GALK2: variants seen among roughly 807,000 people sequenced by gnomAD.
The protein encoded by GALK2 is galactokinase 2, also known as N-acetylgalactosamine kinase.
GALK2 carries 36 observed loss-of-function variants against 52.4 expected under a neutral mutation model. The ratio of observed to expected loss-of-function variants is 0.69; its 90% confidence interval spans 0.53 to 0.91. The LOEUF is 0.91. Among genes scored for constraint, GALK2 ranks in the 40% least tolerant of loss-of-function variants. The pLI, the probability that GALK2 is intolerant of heterozygous loss-of-function variation, is 0.00. For synonymous variants in GALK2, 176 were observed against 199.1 expected (o/e 0.88, Z 0.98); for missense variants, 579 against 559.1 (o/e 1.04, Z -0.36).
chr15:49,193,062 A>G (rs1055842406), intron 1 of GALK2, among the ~76,000 whole-genome samples: 4 of 149,018 alleles, frequency 2.7e-5, no homozygotes, highest in Admixed American at 6.7e-5. Flanking sequence ...CAGTGGTACA[A>G]TCTTGGCTCA....
At chr15:49,243,311 T>C (rs1182553716) in intron 5 of GALK2, among the ~76,000 whole-genome samples, 1 of 152,122 alleles carries the variant, frequency 6.6e-6, no homozygotes, top group Non-Finnish European at 1.5e-5. Flanking sequence ...ACTGGGAGAT[T>C]AGAGGACATT....
chr15:49,299,933 T>C (rs2034960045), intron 8 of GALK2, among the ~76,000 whole-genome samples: 1 of 151,876 alleles, frequency 6.6e-6, no homozygotes, highest in African/African-American at 2.4e-5. Context: ...TGTTGTTGGG[T>C]GGAGTATTCT....
At chr15:49,246,371 G>T (rs1278516178) in intron 5 of GALK2, among the ~76,000 whole-genome samples, 1 of 152,176 alleles carries the variant, frequency 6.6e-6, no homozygotes, top group African/African-American at 2.4e-5. Flanking sequence ...TCCTCCCTCT[G>T]CTGGTGTGGG....
intron 8 of GALK2, among the ~76,000 whole-genome samples, chr15:49,293,710 T>C (rs1014518338): frequency 6.6e-6 from 1 of 152,182 alleles, no homozygotes; most frequent in Non-Finnish European, 1.5e-5. Context: ...TATAATGTGC[T>C]AAGAATAATG....
At chr15:49,170,839 T>C (rs1334398417) in intron 1 of GALK2, among the ~76,000 whole-genome samples, 1 of 152,094 alleles carries the variant, frequency 6.6e-6, no homozygotes, top group Non-Finnish European at 1.5e-5. Flanking sequence ...AACTGTCACT[T>C]AGGGAATTAA....
intron 7 of GALK2, among the ~76,000 whole-genome samples, chr15:49,290,891 G>A (rs1161488549): frequency 6.6e-6 from 1 of 152,170 alleles, no homozygotes; most frequent in African/African-American, 2.4e-5. Context: ...CAGCAAGAAA[G>A]AGTTATAAGA....
intron 3 of GALK2, among the ~76,000 whole-genome samples, chr15:49,351,442 T>A (rs1436738326): frequency 6.6e-6 from 1 of 152,194 alleles, no homozygotes; most frequent in Non-Finnish European, 1.5e-5. Flanking sequence ...CAATGTTGAT[T>A]TTTTTCTAAA....
At chr15:49,301,978 T>C (rs2141871153) in intron 8 of GALK2, among the ~76,000 whole-genome samples, 1 of 152,312 alleles carries the variant, frequency 6.6e-6, no homozygotes, top group East Asian at 1.9e-4. Flanking sequence ...CACGTGACCA[T>C]TTACACACAC....
At chr15:49,272,938 G>GGAGGGACTGTTT (rs2030957245) in intron 5 of GALK2, among the ~76,000 whole-genome samples, 1 of 152,120 alleles carries the variant, frequency 6.6e-6, no homozygotes, top group Non-Finnish European at 1.5e-5. Flanking sequence ...TTCTCTTGTC[G>GGAGGGACTGTTT]ACAAGTCTGG....
chr15:49,192,446 C>T (rs1007963450), intron 1 of GALK2, among the ~76,000 whole-genome samples: 24 of 131,176 alleles, frequency 1.8e-4, no homozygotes, highest in Non-Finnish European at 2.7e-4. Context: ...CAGTATTTTG[C>T]GATTATAAAC....
chr15:49,252,213 G>GCGAGATCGCACCATTGCACTC (rs1566979787), intron 5 of GALK2, among the ~76,000 whole-genome samples: 3 of 152,146 alleles, frequency 2.0e-5, no homozygotes, highest in Non-Finnish European at 1.5e-5. Context: ...TTGCAGTGAG[G>GCGAGATCGCACCATTGCACTC]CGAGATCGCA....
At chr15:49,194,815 G>A (rs1383972414) in intron 1 of GALK2, among the ~76,000 whole-genome samples, 2 of 151,500 alleles carry the variant, frequency 1.3e-5, no homozygotes, top group African/African-American at 4.9e-5. Flanking sequence ...GGCTGGTCTT[G>A]AACTTCCTCC....
intron 3 of GALK2, chr15:49,365,522 T>C: frequency 1.2e-6 from 1 of 849,976 alleles, no homozygotes; most frequent in Non-Finnish European, 2.1e-6. Flanking sequence ...TTTGGTACTC[T>C]GATGACTACT....
At chr15:49,284,360 T>C (rs915989616) in intron 7 of GALK2, among the ~76,000 whole-genome samples, 1 of 152,188 alleles carries the variant, frequency 6.6e-6, no homozygotes, top group African/African-American at 2.4e-5. Context: ...AGTTAAGAGT[T>C]CAAGTTAAGG....
Position 49,337,592 on chromosome 15 carries a change from G to C in GALK2, c.426+17787G>C, listed in dbSNP as rs185834866. 3.5e-3 allele frequency among the ~76,000 whole-genome samples: 483 copies of C among 137,518 alleles called. 3 individuals are homozygous for C. Among genetic ancestry groups the C allele is most frequent in the Non-Finnish European group, 5.5e-3 (362 of 65,932 alleles). The allele number at this position is 137,518 out of a possible 152,430, so 90.2% of individuals were successfully genotyped here. ...GCAGAACATGCAGGTTTGTTACATAGGTATACATGTGCCATGGTGGTTTGC... is the reference window on the plus strand; with the variant it reads ...GCAGAACATGCAGGTTTGTTACATACGTATACATGTGCCATGGTGGTTTGC... On this transcript the variant is annotated intron_variant, in intron 3 of 3. Transcript: ENST00000558399.
At chr15:49,362,739 G>GT (rs1389186460) in intron 3 of GALK2, among the ~76,000 whole-genome samples, 7 of 148,118 alleles carry the variant, frequency 4.7e-5, no homozygotes, top group Admixed American at 2.0e-4. Context: ...ATCTTCCAGA[G>GT]TTTTTTTAAT....
chr15:49,261,992 G>A (rs2092133204), intron 5 of GALK2, among the ~76,000 whole-genome samples: 1 of 152,100 alleles, frequency 6.6e-6, no homozygotes, highest in African/African-American at 2.4e-5. Context: ...GAGGATTTTT[G>A]CATCAATGTT....
chr15:49,286,126 A>G (rs2033325957), intron 7 of GALK2, among the ~76,000 whole-genome samples: 1 of 152,168 alleles, frequency 6.6e-6, no homozygotes, highest in Admixed American at 6.5e-5. Context: ...TATATTTTGA[A>G]GCACTTCATT....
intron 3 of GALK2, among the ~76,000 whole-genome samples, chr15:49,358,258 A>T (rs1398790900): frequency 6.8e-6 from 1 of 147,982 alleles, no homozygotes; most frequent in Non-Finnish European, 1.5e-5. Flanking sequence ...AGGAGAAGGA[A>T]ATAAAGGGTA....
Sources: gnomAD v4.1 joint callset for allele counts (sites outside exome capture counted in the v4.1 genomes callset) on GRCh38, gnomAD v4.1.1 for gene constraint, MANE v1.5 for transcripts, NCBI Gene and HGNC (gene_info 2026-07-23, HGNC 2026-07-21) for gene names.